CLUH: variants seen among roughly 807,000 people sequenced by gnomAD.
CLUH encodes CLUH binding protein of NUMT mRNA, also known as clustered mitochondria protein homolog.
Under a neutral mutation model 139.3 loss-of-function variants are expected in CLUH, and 77 were observed. The observed-to-expected ratio is 0.55, with a 90% CI of 0.46 to 0.67. The LOEUF (loss-of-function observed/expected upper bound fraction) is 0.67. Among genes scored for constraint, CLUH ranks in the 30% least tolerant of loss-of-function variants. The pLI, the probability that CLUH is intolerant of heterozygous loss-of-function variation, is 0.00. For synonymous variants in CLUH, 999 were observed against 801.6 expected (o/e 1.25, Z -4.16); for missense variants, 1,876 against 1,875.8 (o/e 1.00, Z 0.00).
At chr17:2,697,608 C>T (rs1021922929) in intron 10 of CLUH, among the ~76,000 whole-genome samples, 1 of 152,196 alleles carries the variant, frequency 6.6e-6, no homozygotes, top group Admixed American at 6.5e-5. Flanking sequence ...CCCGCCCCAG[C>T]ACGGGGACAG....
At position 2,696,024 on chromosome 17, in the gene CLUH, A is replaced by C; in HGVS notation, c.2391+135T>G. The C allele has an allele frequency of 1.5e-5, 11 of 714,008 alleles. 1 individual carries two copies. In the South Asian group the frequency reaches 2.0e-4, roughly 13 times the overall value. The allele number at this position is 714,008 out of a possible 1,614,324, so 44.2% of individuals were successfully genotyped here. Reference sequence around the variant, plus strand: ...GGGGGTCAGGCTCCCCATCTGTCAAACGGGGATGCCCACTCAGGGAAAGCT... The same window carrying C: ...GGGGGTCAGGCTCCCCATCTGTCAACCGGGGATGCCCACTCAGGGAAAGCT... On this transcript the variant is annotated intron_variant, in intron 13 of 25. Coordinates refer to ENST00000651024, the MANE Select transcript of CLUH (RefSeq NM_001366661.1).
rs758813620 is a variant in CLUH, at chr17:2,698,597, G to A, written c.1267-7C>T. 3.5e-4 allele frequency: 560 copies of A among 1,584,928 alleles called. No individual in the cohort carries two copies. The highest frequency in any genetic ancestry group is 4.6e-4 in the Admixed American group (26 of 56,180). On this transcript the variant is annotated splice_region_variant and splice_polypyrimidine_tract_variant and intron_variant, in intron 9 of 25. Coordinates refer to ENST00000651024, the MANE Select transcript of CLUH (RefSeq NM_001366661.1). ...CGGTGAAGTCGCTGTGCACCTGGCG[G>A]GGGTCGAGGAGGGCAGGGTTAGAGG...
intron 1 of CLUH, among the ~76,000 whole-genome samples, chr17:2,710,535 G>A (rs2070482647): frequency 1.3e-5 from 2 of 152,220 alleles, no homozygotes; most frequent in African/African-American, 4.8e-5. Context: ...AGGAGGGAGG[G>A]ACTGGGGGAC....
At chr17:2,691,403 AAC>A in intron 25 of CLUH, 1 of 565,434 alleles carries the variant, frequency 1.8e-6, no homozygotes, top group Non-Finnish European at 3.2e-6. Context: ...CTCTACTACA[AAC>A]ACAAAAATGA....
At chr17:2,698,915 C>T (rs189025620) in intron 9 of CLUH, among the ~76,000 whole-genome samples, 1 of 152,186 alleles carries the variant, frequency 6.6e-6, no homozygotes, top group Admixed American at 6.5e-5. Context: ...GGCGAGGTGG[C>T]GCGCGCCTGT....
rs1211749833 is a variant in CLUH at position 2,702,071 on chromosome 17, AG to A, written c.476-15del. The A allele has an allele frequency of 1.8e-5, 29 of 1,612,262 alleles. No individual in the cohort carries two copies. The highest frequency in any genetic ancestry group is 2.5e-5 in the Non-Finnish European group (29 of 1,179,254). On this transcript the variant is annotated splice_polypyrimidine_tract_variant and intron_variant, in intron 3 of 25. Transcript: ENST00000651024. ...CCGTGTACGGCTCTGTCAGGAAGGC[AG>A]GGAGGGTATGGCGTTACCAGGGCCC...
intron 19 of CLUH, 132 bp downstream of exon 19, chr17:2,693,767 CA>C (rs1446039035): frequency 8.6e-7 from 1 of 1,165,576 alleles, no homozygotes. Flanking sequence ...GGGGTGGAGC[CA>C]GGGGTGGCCT....
rs1355728348 is a variant in CLUH at position 2,698,598 on chromosome 17, G to A, written c.1267-8C>T. 4 of 1,579,372 alleles carry A rather than the reference G, an allele frequency of 2.5e-6. No homozygotes were observed. Among genetic ancestry groups the A allele is most frequent in the East Asian group, 2.3e-5 (1 of 43,382 alleles). On this transcript the variant is annotated splice_region_variant and splice_polypyrimidine_tract_variant and intron_variant, in intron 9 of 25. Coordinates refer to ENST00000651024, the MANE Select transcript of CLUH (RefSeq NM_001366661.1). ...GGTGAAGTCGCTGTGCACCTGGCGG[G>A]GGTCGAGGAGGGCAGGGTTAGAGGC...
intron 23 of CLUH, 43 bp downstream of exon 23, chr17:2,691,957 CCACG>C (rs765748435): frequency 0.015 from 5,912 of 394,308 alleles, 554 homozygotes; most frequent in African/African-American, 0.073. Flanking sequence ...CCCCGCCCCG[CCACG>C]CCCCCGCCCC....
chr17:2,704,904 T>TC lies in CLUH; in HGVS notation c.101-341dup, dbSNP rs2070306425. On this transcript the variant is annotated intron_variant, in intron 1 of 25. Transcript: ENST00000651024. The surrounding 1 kb of genome is among the most constrained non-coding windows in gnomAD (Gnocchi z 5.7). ...AGCTTCCCAGCAGCAGTTCCCCTCT[T>TC]CCTCTCCTCTTCTCTGACCCCACAC... Among the ~76,000 whole-genome samples the TC allele has an allele frequency of 6.6e-6, 1 of 151,738 alleles. No individual in the cohort carries two copies. Among genetic ancestry groups the TC allele is most frequent in the Non-Finnish European group, 1.5e-5 (1 of 67,912 alleles).
chr17:2,694,822 T>TACCA, intron 16 of CLUH, 35 bp downstream of exon 16: 1 of 1,346,338 alleles, frequency 7.4e-7, no homozygotes, highest in Non-Finnish European at 1.0e-6. Flanking sequence ...ATCTGCCCAA[T>TACCA]CCCACCCACC....
At position 2,697,964 on chromosome 17, in the gene CLUH, G is replaced by A. The variant is rs1055596560; in HGVS notation, c.1893C>T (p.Phe631=). The A allele has an allele frequency of 3.8e-6, 6 of 1,572,394 alleles. No homozygotes were observed. The highest frequency in any genetic ancestry group is 4.3e-6 in the Non-Finnish European group (5 of 1,164,866). Residue 631 remains phenylalanine (F), a synonymous_variant, in exon 10 of 26, where the codon TTC becomes TTT. Transcript: ENST00000651024. ...AGAGCTTGTGCCGGTGGGCGCGGGG[G>A]AAGCCGGCGCGGGCGCATTCCTCAG... The part of the protein sequence containing the change: ...ELPEECARAG[F]PRAHRHKLCC...
chr17:2,707,782 C>T lies in CLUH; in HGVS notation c.101-3218G>A. 2 of 985,464 alleles carry T rather than the reference C, an allele frequency of 2.0e-6. No homozygotes were observed. The highest frequency in any genetic ancestry group is 1.7e-5 in the African/African-American group (1 of 57,372). 61.0% of individuals were successfully genotyped at this position (985,464 alleles called of 1,614,324 possible). ...CCCACCAGTCCCAGACACTGAGCAC[C>T]CCACTGTCCCTGGGCCAAGGGCCTG... On this transcript the variant is annotated intron_variant, in intron 1 of 25. Coordinates refer to ENST00000651024, the MANE Select transcript of CLUH (RefSeq NM_001366661.1). The surrounding 1 kb of genome is among the most constrained non-coding windows in gnomAD (Gnocchi z 7.4).
chr17:2,690,634 G>T lies in CLUH; in HGVS notation c.4007C>A (p.Pro1336His). Residue 1336 changes from proline to histidine, a missense_variant, in exon 26 of 26, where the codon CCC becomes CAC. Pro to His is a moderately conservative substitution (Grantham distance 77, BLOSUM62 -2). Coordinates refer to ENST00000651024, the MANE Select transcript of CLUH (RefSeq NM_001366661.1). Reference sequence around the variant, plus strand: ...CGGAGAAGGGTCCTTGGCAGCCGGGGGCTGGGAGCCCAGGTCTCCTGGGGC... The same window carrying T: ...CGGAGAAGGGTCCTTGGCAGCCGGGTGCTGGGAGCCCAGGTCTCCTGGGGC... ...AGAPGDLGSQ[P>H]PAAKDPSPSV... The T allele has an allele frequency of 6.6e-7, 1 of 1,509,632 alleles. No homozygotes were observed. The highest frequency in any genetic ancestry group is 1.3e-5 in the South Asian group (1 of 76,792). 93.5% of individuals were successfully genotyped at this position (1,509,632 alleles called of 1,614,324 possible).
intron 3 of CLUH, among the ~76,000 whole-genome samples, 177 bp from the exon 4 acceptor site, chr17:2,702,234 AAC>A (rs369377324): frequency 1.6e-4 from 24 of 151,032 alleles, no homozygotes; most frequent in Non-Finnish European, 2.2e-4. Context: ...TGACACCACA[AAC>A]ACACACACAC....
At position 2,707,625 on chromosome 17, in the gene CLUH, G is replaced by T; in HGVS notation, c.101-3061C>A. The stretch of plus-strand genomic sequence containing the variant: ...GATTGAGGGCCTAGGAGACTGGCTG[G>T]CAGGGGCAGGGCCCAGCAAGGGGGT... On this transcript the variant is annotated intron_variant, in intron 1 of 25. Coordinates refer to ENST00000651024, the MANE Select transcript of CLUH (RefSeq NM_001366661.1). This position sits in a 1 kb window ranked among gnomAD's most constrained non-coding sequence, Gnocchi z 7.4. 1.0e-6 allele frequency: 1 copy of T among 985,388 alleles called. No individual in the cohort carries two copies. The highest frequency in any genetic ancestry group is 1.2e-6 in the Non-Finnish European group (1 of 829,886). 61.0% of individuals were successfully genotyped at this position (985,388 alleles called of 1,614,324 possible).
At chr17:2,710,684 G>T (rs541088868) in intron 1 of CLUH, among the ~76,000 whole-genome samples, 1 of 152,254 alleles carries the variant, frequency 6.6e-6, no homozygotes, top group South Asian at 2.1e-4. Context: ...AAGAGAAGGG[G>T]CTCAGGAGAA....
rs749252316 is a variant in CLUH at position 2,691,961 on chromosome 17, GC to G, written c.3654+42del. The G allele has an allele frequency of 0.016, 10,385 of 652,028 alleles. 478 individuals are homozygous for G. In the African/African-American group the frequency reaches 0.24, roughly 15 times the overall value. 40.4% of individuals were successfully genotyped at this position (652,028 alleles called of 1,614,324 possible). On this transcript the variant is annotated intron_variant, in intron 23 of 25. Coordinates refer to ENST00000651024, the MANE Select transcript of CLUH (RefSeq NM_001366661.1). ...CGCGGCCCCGCCCCCGCCCCGCCAC[GC>G]CCCCGCCCCGCCCCCGCCCCCGCCA...
At chr17:2,697,823 C>G (rs2070017673) in intron 10 of CLUH, 73 bp downstream of exon 10, 2 of 1,372,368 alleles carry the variant, frequency 1.5e-6, no homozygotes, top group African/African-American at 1.5e-5. Flanking sequence ...AAGGACCCAA[C>G]CCCGGATCCA....
Sources: allele counts gnomAD v4.1 joint callset (sites outside exome capture counted in the v4.1 genomes callset), GRCh38; gene constraint gnomAD v4.1.1; non-coding constraint Gnocchi (gnomAD v3.1); transcripts MANE v1.5; gene names NCBI Gene and HGNC (gene_info 2026-07-23, HGNC 2026-07-21).